Variants in ADGRL3 observed in about 807,000 individuals in gnomAD.
ADGRL3 encodes the protein calcium-independent alpha-latrotoxin receptor 3.
A neutral mutation model predicts 153.5 loss-of-function variants in ADGRL3; 62 were observed. The ratio of observed to expected loss-of-function variants is 0.40; its 90% CI spans 0.33 to 0.50. The LOEUF is 0.50. ADGRL3 is among the 20% of genes least tolerant of loss of function. The pLI is 0.47. For synonymous variants in ADGRL3, 710 were observed against 672.5 expected (o/e 1.06, Z -0.86); for missense variants, 1,641 against 1,859.4 (o/e 0.88, Z 2.16).
intron 21 of ADGRL3, 106 bp downstream of exon 21, chr4:61,998,371 G>A: frequency 2.0e-6 from 1 of 508,358 alleles, no homozygotes; most frequent in Non-Finnish European, 3.3e-6. Flanking sequence ...AAGAATATGG[G>A]TGTATTGTCT....
intron 1 of ADGRL3, among the ~76,000 whole-genome samples, chr4:61,241,956 A>G (rs1340248784): frequency 3.3e-5 from 5 of 152,042 alleles, no homozygotes; most frequent in Non-Finnish European, 7.4e-5. Context: ...TAGAATACAA[A>G]TCCAAATAAT....
intron 2 of ADGRL3, among the ~76,000 whole-genome samples, chr4:61,496,079 TCAAA>T (rs1341014364): frequency 6.6e-6 from 1 of 152,194 alleles, no homozygotes; most frequent in Non-Finnish European, 1.5e-5. Flanking sequence ...CTTTTGACAT[TCAAA>T]CAAAGAGTAA....
rs376260665 is a variant in ADGRL3, at chr4:61,852,878, T to C, written c.1480+38989T>C. On this transcript the variant is annotated intron_variant, in intron 9 of 26. Coordinates refer to ENST00000683033, the MANE Select transcript of ADGRL3 (RefSeq NM_001387552.1). ...TTTACATGCAGCTGTGTTTAGAGCATGTTACTTTTAAAAACTACGGTTAAC... is the reference window on the plus strand; with the variant it reads ...TTTACATGCAGCTGTGTTTAGAGCACGTTACTTTTAAAAACTACGGTTAAC... Among the ~76,000 whole-genome samples, 17 of 152,112 alleles carry C rather than the reference T, an allele frequency of 1.1e-4. No individual in the cohort carries two copies. In the East Asian group the frequency reaches 1.7e-3, roughly 16 times the overall value.
chr4:61,409,410 T>TAC (rs71830613), intron 2 of ADGRL3, among the ~76,000 whole-genome samples: 1 of 144,390 alleles, frequency 6.9e-6, no homozygotes, highest in Non-Finnish European at 1.5e-5. Flanking sequence ...ACATAATATA[T>TAC]ATATATATAT....
At chr4:61,458,630 T>C (rs1282990600) in intron 2 of ADGRL3, among the ~76,000 whole-genome samples, 1 of 151,522 alleles carries the variant, frequency 6.6e-6, no homozygotes, top group Non-Finnish European at 1.5e-5. Flanking sequence ...AACTCTTAAA[T>C]AACAAAAATA....
chr4:61,729,471 T>A (rs1008204625), intron 6 of ADGRL3, among the ~76,000 whole-genome samples: 10 of 152,086 alleles, frequency 6.6e-5, no homozygotes, highest in Admixed American at 5.9e-4. Context: ...ATCACCCAAA[T>A]GTAATTATGC....
At chr4:61,519,383 A>G (rs1191010038) in intron 4 of ADGRL3, among the ~76,000 whole-genome samples, 3 of 152,190 alleles carry the variant, frequency 2.0e-5, no homozygotes, top group Non-Finnish European at 2.9e-5. Context: ...ACAGAGATGA[A>G]AACGACAGTA....
At chr4:61,312,988 T>G (rs1377601712) in intron 1 of ADGRL3, among the ~76,000 whole-genome samples, 1 of 152,194 alleles carries the variant, frequency 6.6e-6, no homozygotes, top group East Asian at 1.9e-4. Flanking sequence ...TTTCAATAAG[T>G]GTATGGATAA....
chr4:61,814,492 T>C (rs2097665997), intron 9 of ADGRL3, among the ~76,000 whole-genome samples: 1 of 152,182 alleles, frequency 6.6e-6, no homozygotes, highest in Admixed American at 6.5e-5. Context: ...TGCTTTTAAA[T>C]AAATATTTAC....
rs183944167 is a variant in ADGRL3 at position 61,769,649 on chromosome 4, G to A, written c.1399+36095G>A. On this transcript the variant is annotated intron_variant, in intron 8 of 26. Coordinates refer to ENST00000683033, the MANE Select transcript of ADGRL3 (RefSeq NM_001387552.1). ...CAGGCTGAGTCCGAAAAGGGTCAGT[G>A]AAGGGAGATAAGGGTGAGGCCGTTT... 3.9e-3 allele frequency among the ~76,000 whole-genome samples: 601 copies of A among 152,232 alleles called. 3 individuals carry two copies. The highest frequency in any genetic ancestry group is 7.2e-3 in the Non-Finnish European group (492 of 68,034).
chr4:61,808,489 T>C (rs925013929), intron 8 of ADGRL3, among the ~76,000 whole-genome samples: 1 of 152,118 alleles, frequency 6.6e-6, no homozygotes, highest in African/African-American at 2.4e-5. Context: ...TGTAGGATTA[T>C]TAAGATGAAG....
intron 2 of ADGRL3, among the ~76,000 whole-genome samples, chr4:61,400,339 G>T (rs1219446089): frequency 6.6e-6 from 1 of 151,684 alleles, no homozygotes; most frequent in Non-Finnish European, 1.5e-5. Context: ...TTTTGCTCCA[G>T]TTGAACAAAC....
At chr4:61,867,390 C>G (rs1482244307) in intron 9 of ADGRL3, among the ~76,000 whole-genome samples, 1 of 151,012 alleles carries the variant, frequency 6.6e-6, no homozygotes, top group Non-Finnish European at 1.5e-5. Flanking sequence ...GTCCCAGCTA[C>G]TTAGGAATCT....
intron 5 of ADGRL3, among the ~76,000 whole-genome samples, chr4:61,639,135 G>C (rs1290071693): frequency 6.6e-6 from 1 of 152,084 alleles, no homozygotes; most frequent in African/African-American, 2.4e-5. Flanking sequence ...TTTAGAAATG[G>C]AAGAAGTGAC....
chr4:61,519,430 A>C (rs545678580), intron 4 of ADGRL3, among the ~76,000 whole-genome samples: 1 of 152,336 alleles, frequency 6.6e-6, no homozygotes, highest in Admixed American at 6.5e-5. Flanking sequence ...ATGGAGACTG[A>C]GGTAAACGTC....
intron 8 of ADGRL3, among the ~76,000 whole-genome samples, chr4:61,760,500 A>C (rs147141894): frequency 6.6e-6 from 1 of 152,126 alleles, no homozygotes; most frequent in East Asian, 1.9e-4. Flanking sequence ...TGCTAAGACC[A>C]TTGGAAAAGT....
At chr4:61,297,270 T>G (rs2150275059) in intron 1 of ADGRL3, among the ~76,000 whole-genome samples, 1 of 152,272 alleles carries the variant, frequency 6.6e-6, no homozygotes, top group South Asian at 2.1e-4. Flanking sequence ...AAATGTTTTT[T>G]GAAAAGAAAA....
intron 1 of ADGRL3, among the ~76,000 whole-genome samples, chr4:61,226,682 GT>G (rs1199911684): frequency 6.6e-6 from 1 of 152,074 alleles, no homozygotes; most frequent in Admixed American, 6.6e-5. Context: ...ACCCTGAGAA[GT>G]TTCTACTTCT....
intron 8 of ADGRL3, among the ~76,000 whole-genome samples, chr4:61,740,183 C>T (rs1428635374): frequency 6.6e-6 from 1 of 152,182 alleles, no homozygotes; most frequent in Non-Finnish European, 1.5e-5. Context: ...TTCAAATATA[C>T]TTTCACCTGA....
Sources: gnomAD v4.1 joint callset for allele counts (sites outside exome capture counted in the v4.1 genomes callset) on GRCh38, gnomAD v4.1.1 for gene constraint, MANE v1.5 for transcripts, NCBI Gene and HGNC (gene_info 2026-07-23, HGNC 2026-07-21) for gene names.